The following CSMD1 variants were observed in gnomAD, a reference collection of about 807,000 sequenced individuals.
CSMD1 encodes the protein CUB and sushi domain-containing protein 1.
Under a neutral mutation model 417.5 loss-of-function variants are expected in CSMD1, and 213 were observed. The ratio of observed to expected loss-of-function variants is 0.51; its 90% confidence interval spans 0.46 to 0.57. The LOEUF (loss-of-function observed/expected upper bound fraction) is 0.57, where lower values mean the gene tolerates loss of function less well. CSMD1 is among the 20% of genes least tolerant of loss of function. CSMD1 has a pLI of 0.00. For synonymous variants in CSMD1, 2,862 were observed against 1,736.8 expected, an observed-to-expected ratio of 1.65 and a Z score of -16.11; for missense variants, 6,923 against 4,529.7, an observed-to-expected ratio of 1.53 and a Z score of -15.17.
intron 3 of CSMD1, among the ~76,000 whole-genome samples, chr8:4,329,765 C>T (rs1799763625): frequency 6.6e-6 from 1 of 151,910 alleles, no homozygotes; most frequent in African/African-American, 2.4e-5. Flanking sequence ...ATGGCTTGGG[C>T]CATCCCCTTG....
At chr8:3,311,172 G>A (rs1266065804) in intron 23 of CSMD1, among the ~76,000 whole-genome samples, 1 of 152,158 alleles carries the variant, frequency 6.6e-6, no homozygotes, top group African/African-American at 2.4e-5. Flanking sequence ...GCCTATAGTT[G>A]TGGAAAATCA....
rs183264397 is a variant in CSMD1 at position 4,300,253 on chromosome 8, G to A, written c.415+119700C>T. Among the ~76,000 whole-genome samples, 341 of 152,320 alleles carry A rather than the reference G, an allele frequency of 2.2e-3. 6 individuals are homozygous for A. The highest frequency in any genetic ancestry group is 0.018 in the Admixed American group (283 of 15,304). Reference sequence around the variant, plus strand: ...GTATAAAGTCGTTTGTAAACACAGAGCTTTCTGCATCTAACATATTTTCCT... The same window carrying A: ...GTATAAAGTCGTTTGTAAACACAGAACTTTCTGCATCTAACATATTTTCCT... On this transcript the variant is annotated intron_variant, in intron 3 of 69. Transcript: ENST00000635120.
At chr8:3,504,110 C>A (rs945569424) in intron 10 of CSMD1, among the ~76,000 whole-genome samples, 5 of 152,042 alleles carry the variant, frequency 3.3e-5, no homozygotes, top group African/African-American at 9.7e-5. Flanking sequence ...GTCTCCAACA[C>A]AAAGAAATGA....
At chr8:4,090,809 A>G (rs1198242852) in intron 3 of CSMD1, among the ~76,000 whole-genome samples, 1 of 152,212 alleles carries the variant, frequency 6.6e-6, no homozygotes, top group African/African-American at 2.4e-5. Context: ...AAGAACATAT[A>G]TTCTTTAAGT....
chr8:3,211,843 A>T (rs764057961), intron 30 of CSMD1, among the ~76,000 whole-genome samples: 9 of 152,200 alleles, frequency 5.9e-5, no homozygotes, highest in Non-Finnish European at 8.8e-5. Flanking sequence ...GCACAGGGCA[A>T]GCACCCAGAA....
chr8:3,609,654 G>A (rs899297988), intron 8 of CSMD1, among the ~76,000 whole-genome samples: 2 of 151,560 alleles, frequency 1.3e-5, no homozygotes, highest in Non-Finnish European at 1.5e-5. Flanking sequence ...GGGCTACACT[G>A]CAAATGAGCT....
chr8:4,417,317 G>C (rs528126238), intron 3 of CSMD1, among the ~76,000 whole-genome samples: 2 of 152,062 alleles, frequency 1.3e-5, no homozygotes, highest in Non-Finnish European at 2.9e-5. Context: ...GTGAATAATA[G>C]TTTATGTAAA....
intron 7 of CSMD1, among the ~76,000 whole-genome samples, chr8:3,638,228 C>T (rs1429407734): frequency 6.6e-6 from 1 of 152,064 alleles, no homozygotes; most frequent in African/African-American, 2.4e-5. Flanking sequence ...GGCTTTAAAA[C>T]ATTGGTAGAA....
intron 18 of CSMD1, among the ~76,000 whole-genome samples, chr8:3,380,120 C>G (rs546492783): frequency 1.3e-5 from 2 of 152,152 alleles, no homozygotes; most frequent in East Asian, 3.9e-4. Context: ...TTTATGCAGC[C>G]AACAAACATA....
At chr8:3,226,246 T>C (rs1798496084) in intron 27 of CSMD1, among the ~76,000 whole-genome samples, 1 of 152,136 alleles carries the variant, frequency 6.6e-6, no homozygotes, top group Admixed American at 6.5e-5. Context: ...AATTGCAGGC[T>C]ATATAAGATA....
intron 37 of CSMD1, among the ~76,000 whole-genome samples, chr8:3,163,306 T>G (rs1235436450): frequency 6.6e-6 from 1 of 152,096 alleles, no homozygotes; most frequent in Non-Finnish European, 1.5e-5. Flanking sequence ...CTTTAGTTCT[T>G]GTACTTCACA....
At chr8:4,126,143 T>G (rs776201050) in intron 3 of CSMD1, among the ~76,000 whole-genome samples, 2 of 151,988 alleles carry the variant, frequency 1.3e-5, no homozygotes, top group Non-Finnish European at 2.9e-5. Context: ...ACCTGACCAG[T>G]CAGCACTACC....
intron 26 of CSMD1, among the ~76,000 whole-genome samples, chr8:3,264,184 C>G (rs1195071917): frequency 6.6e-6 from 1 of 152,172 alleles, no homozygotes; most frequent in African/African-American, 2.4e-5. Context: ...TGACACAAGG[C>G]AGACTTGAGG....
At chr8:4,509,789 C>T (rs1802717783) in intron 2 of CSMD1, among the ~76,000 whole-genome samples, 1 of 152,024 alleles carries the variant, frequency 6.6e-6, no homozygotes, top group Non-Finnish European at 1.5e-5. Context: ...TTATCATTAC[C>T]ACCCCCATGA....
intron 3 of CSMD1, among the ~76,000 whole-genome samples, chr8:4,033,696 A>G (rs1743345036): frequency 6.6e-6 from 1 of 152,156 alleles, no homozygotes; most frequent in Admixed American, 6.5e-5. Context: ...AATCTCTTCA[A>G]ATATTTTACA....
At chr8:3,785,897 AC>A (rs1799431822) in intron 5 of CSMD1, among the ~76,000 whole-genome samples, 2 of 152,364 alleles carry the variant, frequency 1.3e-5, no homozygotes, top group South Asian at 4.1e-4. Flanking sequence ...CTAAACATTA[AC>A]AAGATTTCTC....
intron 3 of CSMD1, among the ~76,000 whole-genome samples, chr8:4,216,082 C>T (rs1295786087): frequency 6.6e-6 from 1 of 152,186 alleles, no homozygotes; most frequent in Non-Finnish European, 1.5e-5. Context: ...GGTCACTATG[C>T]TATTTCTTGG....
At chr8:3,433,747 G>C (rs899829403) in intron 12 of CSMD1, among the ~76,000 whole-genome samples, 3 of 152,204 alleles carry the variant, frequency 2.0e-5, no homozygotes, top group African/African-American at 2.4e-5. Flanking sequence ...ATTCAGGCTT[G>C]TGTTGACTTT....
intron 3 of CSMD1, among the ~76,000 whole-genome samples, chr8:4,102,203 T>C (rs1313991690): frequency 6.6e-6 from 1 of 152,242 alleles, no homozygotes; most frequent in African/African-American, 2.4e-5. Context: ...ATTGTCTCTT[T>C]TGTAATTTAG....
Sources: gnomAD v4.1 joint callset for allele counts (sites outside exome capture counted in the v4.1 genomes callset) on GRCh38, gnomAD v4.1.1 for gene constraint, MANE v1.5 for transcripts, NCBI Gene and HGNC (gene_info 2026-07-23, HGNC 2026-07-21) for gene names.